FUT8: variants seen among roughly 807,000 people sequenced by gnomAD.
The protein encoded by FUT8 is alpha-(1,6)-fucosyltransferase.
A neutral mutation model predicts 71.3 loss-of-function variants in FUT8; 29 were observed. The observed-to-expected ratio is 0.41, with a 90% CI of 0.30 to 0.55. The LOEUF (loss-of-function observed/expected upper bound fraction) is 0.55. Among genes scored for constraint, FUT8 ranks in the 20% least tolerant of loss-of-function variants. The pLI, the probability that FUT8 is intolerant of heterozygous loss-of-function variation, is 0.34. For synonymous variants in FUT8, 254 were observed against 239.3 expected (o/e 1.06, Z -0.57); for missense variants, 544 against 702.1 (o/e 0.77, Z 2.55).
At chr14:65,416,650 ATTAAACATAT>A (rs2065223267) in intron 1 of FUT8, among the ~76,000 whole-genome samples, 1 of 152,218 alleles carries the variant, frequency 6.6e-6, no homozygotes, top group African/African-American at 2.4e-5. Context: ...TAGTGAAACA[ATTAAACATAT>A]TTAAAAGTAA....
intron 2 of FUT8, among the ~76,000 whole-genome samples, chr14:65,541,028 A>G (rs950465460): frequency 5.9e-5 from 9 of 152,188 alleles, no homozygotes; most frequent in African/African-American, 2.2e-4. Flanking sequence ...ATTCTTTGTT[A>G]TGCCATTGTT....
chr14:65,688,899 C>T (rs1014737638), intron 7 of FUT8, among the ~76,000 whole-genome samples: 3 of 152,114 alleles, frequency 2.0e-5, no homozygotes, highest in African/African-American at 7.2e-5. Context: ...ACCTTCGCAT[C>T]GTGGAGAGAG....
At chr14:65,436,518 A>G (rs1201188812) in intron 1 of FUT8, among the ~76,000 whole-genome samples, 6 of 151,912 alleles carry the variant, frequency 3.9e-5, no homozygotes, top group African/African-American at 1.4e-4. Context: ...TAGTCCAGCT[A>G]CTGGGGAGGC....
intron 7 of FUT8, among the ~76,000 whole-genome samples, chr14:65,687,254 T>C (rs1253186394): frequency 6.6e-6 from 1 of 152,232 alleles, no homozygotes; most frequent in Non-Finnish European, 1.5e-5. Context: ...TTTTTACTTT[T>C]AATCTTTAAA....
chr14:65,718,333 A>G (rs1198020757), intron 7 of FUT8, among the ~76,000 whole-genome samples: 1 of 152,260 alleles, frequency 6.6e-6, no homozygotes, highest in Non-Finnish European at 1.5e-5. Context: ...ATAAACAAAC[A>G]TGCAATCAAA....
At chr14:65,598,183 A>G (rs1464770262) in intron 3 of FUT8, among the ~76,000 whole-genome samples, 1 of 152,070 alleles carries the variant, frequency 6.6e-6, no homozygotes. Flanking sequence ...TTATTATTCT[A>G]TTATGTAACA....
intron 2 of FUT8, among the ~76,000 whole-genome samples, chr14:65,480,490 A>AT (rs759153146): frequency 1.5e-4 from 23 of 151,234 alleles, no homozygotes; most frequent in Non-Finnish European, 3.2e-4. Context: ...TAATTTTTGT[A>AT]TTTTTTGTAG....
intron 6 of FUT8, among the ~76,000 whole-genome samples, chr14:65,639,775 C>T (rs1171105038): frequency 6.6e-6 from 1 of 152,092 alleles, no homozygotes; most frequent in Non-Finnish European, 1.5e-5. Flanking sequence ...ATCTGTACTA[C>T]CAGTGCTACT....
intron 2 of FUT8, among the ~76,000 whole-genome samples, chr14:65,464,397 G>A (rs567467689): frequency 2.6e-5 from 4 of 151,508 alleles, no homozygotes; most frequent in Admixed American, 2.6e-4. Flanking sequence ...GTATGATGTT[G>A]AATAGGAGTG....
chr14:65,675,954 G>A (rs916966776), intron 7 of FUT8, among the ~76,000 whole-genome samples: 4 of 152,014 alleles, frequency 2.6e-5, no homozygotes, highest in African/African-American at 4.8e-5. Flanking sequence ...CCGAGATCGC[G>A]CCACTGCACT....
At chr14:65,727,888 C>T (rs768837502) in intron 9 of FUT8, among the ~76,000 whole-genome samples, 10 of 152,136 alleles carry the variant, frequency 6.6e-5, no homozygotes, top group Admixed American at 2.0e-4. Context: ...AAATTTCTTC[C>T]GCCAGATACC....
the FUT8 span, among the ~76,000 whole-genome samples, chr14:65,361,536 C>T: frequency 7.3e-3 from 1,110 of 152,002 alleles, 16 homozygotes; most frequent in African/African-American, 0.024. Context: ...ACCTGTAATC[C>T]CAGCACTTTG....
At chr14:65,543,550 A>G (rs1019827687) in intron 2 of FUT8, among the ~76,000 whole-genome samples, 1 of 152,156 alleles carries the variant, frequency 6.6e-6, no homozygotes, top group African/African-American at 2.4e-5. Flanking sequence ...TTTTAAAAAA[A>G]ACATAGAGTG....
chr14:65,516,041 G>A, intron 2 of FUT8, among the ~76,000 whole-genome samples: 1 of 152,146 alleles, frequency 6.6e-6, no homozygotes, highest in Admixed American at 6.6e-5. Flanking sequence ...ATGTGTGCCT[G>A]TAGTCCCAAC....
At chr14:65,690,732 T>TTC (rs1893536897) in intron 7 of FUT8, among the ~76,000 whole-genome samples, 1 of 152,010 alleles carries the variant, frequency 6.6e-6, no homozygotes, top group Non-Finnish European at 1.5e-5. Context: ...TTGACTTTTT[T>TTC]TTTTTTTTTG....
At position 65,638,012 on chromosome 14, in the gene FUT8, A is replaced by C. The variant is rs960826337; in HGVS notation, c.597+8406A>C. 1.2e-4 allele frequency among the ~76,000 whole-genome samples: 18 copies of C among 152,172 alleles called. No homozygotes were observed. The highest frequency in any genetic ancestry group is 2.1e-4 in the Non-Finnish European group (14 of 68,034). On this transcript the variant is annotated intron_variant, in intron 6 of 10. Coordinates refer to ENST00000673929, the MANE Select transcript of FUT8 (RefSeq NM_001371533.1). This position sits in a 1 kb window ranked among gnomAD's most constrained non-coding sequence, Gnocchi z 4.5. Reference sequence around the variant, plus strand: ...TTAATGTCATGTTAATGACATAATGAGCTTGGTCAAGTTAACAACATTTAG... The same window carrying C: ...TTAATGTCATGTTAATGACATAATGCGCTTGGTCAAGTTAACAACATTTAG...
the FUT8 span, among the ~76,000 whole-genome samples, chr14:65,396,651 T>C: frequency 5.9e-5 from 9 of 152,318 alleles, no homozygotes; most frequent in East Asian, 3.9e-4. This position sits in a 1 kb window ranked among gnomAD's most constrained non-coding sequence, Gnocchi z 5.5. Context: ...ACAGCCAGAC[T>C]ATATCAGCAT....
In FUT8 at chr14:65,578,557, C is replaced by T. The variant is rs140234324; in HGVS notation, c.203+16791C>T. Among the ~76,000 whole-genome samples the T allele has an allele frequency of 7.2e-4, 109 of 152,166 alleles. 3 individuals are homozygous for T. The highest frequency in any genetic ancestry group is 2.9e-4 in the Non-Finnish European group (20 of 67,998). ...CTTAAAACGTTATGAGATTTTGTTG[C>T]GATTTGTTTTTTAAGCTTATCAGCT... On this transcript the variant is annotated intron_variant, in intron 3 of 10. Transcript: ENST00000673929.
chr14:65,699,804 G>T lies in FUT8; in HGVS notation c.836-21971G>T, dbSNP rs145087460. Reference sequence around the variant, plus strand: ...AACCTTGACTAACACCATTCTCAAAGAATATTTACTGGTTTTTTTTATATA... The same window carrying T: ...AACCTTGACTAACACCATTCTCAAATAATATTTACTGGTTTTTTTTATATA... On this transcript the variant is annotated intron_variant, in intron 7 of 10. Transcript: ENST00000673929. 3.4e-3 allele frequency among the ~76,000 whole-genome samples: 516 copies of T among 152,210 alleles called. 9 individuals carry two copies. The highest frequency in any genetic ancestry group is 9.3e-3 in the African/African-American group (387 of 41,536).
Sources: gnomAD v4.1 joint callset for allele counts (sites outside exome capture counted in the v4.1 genomes callset) on GRCh38, gnomAD v4.1.1 for gene constraint, Gnocchi (gnomAD v3.1) non-coding constraint, MANE v1.5 for transcripts, NCBI Gene and HGNC (gene_info 2026-07-23, HGNC 2026-07-21) for gene names.